The following FRMD6 variants were observed in gnomAD, a reference collection of about 807,000 sequenced individuals.
The protein encoded by FRMD6 is FERM domain containing 6.
In FRMD6, 37 loss-of-function variants were observed where a neutral mutation model predicts 73.2. The observed-to-expected ratio is 0.51, with a 90% CI of 0.39 to 0.66. The LOEUF (loss-of-function observed/expected upper bound fraction) is 0.66, where lower values mean the gene tolerates loss of function less well. FRMD6 is among the 30% of genes least tolerant of loss of function. The probability of loss-of-function intolerance (pLI) is 0.00; values close to 1 mark genes in which losing one functional copy is unlikely to be tolerated. For missense variants in FRMD6, 714 were observed against 780.5 expected (o/e 0.91, Z 1.02); for synonymous variants, 273 against 282.2 (o/e 0.97, Z 0.33).
chr14:51,526,729 T>C (rs149786255), intron 1 of FRMD6, among the ~76,000 whole-genome samples: 222 of 152,360 alleles, frequency 1.5e-3, no homozygotes, highest in African/African-American at 5.1e-3. Flanking sequence ...CATCAGATAC[T>C]GTCTCTGTTT....
At chr14:51,579,209 A>G (rs1243416688) in intron 2 of FRMD6, 1 of 152,064 alleles carries the variant, frequency 6.6e-6, no homozygotes, top group African/African-American at 2.4e-5. Flanking sequence ...CAACCACCCA[A>G]TTTCCCTCCC....
intron 2 of FRMD6, among the ~76,000 whole-genome samples, chr14:51,606,495 G>C (rs1445924573): frequency 6.6e-6 from 1 of 152,090 alleles, no homozygotes; most frequent in Non-Finnish European, 1.5e-5. Flanking sequence ...CATCACCTCT[G>C]TCCTAATGAT....
the FRMD6 span, among the ~76,000 whole-genome samples, chr14:51,456,696 C>A: frequency 6.6e-6 from 1 of 152,062 alleles, no homozygotes; most frequent in African/African-American, 2.4e-5. Context: ...GAGAGATCTC[C>A]ACTCCCGCAT....
chr14:51,588,853 A>T (rs12587891), intron 2 of FRMD6, among the ~76,000 whole-genome samples: 52,910 of 152,118 alleles, frequency 0.35, 10,304 homozygotes, highest in South Asian at 0.42. Context: ...TCAAAGTCTC[A>T]TGCCACATGA....
chr14:51,525,837 C>T (rs542955386), intron 1 of FRMD6, among the ~76,000 whole-genome samples: 3 of 152,210 alleles, frequency 2.0e-5, no homozygotes, highest in South Asian at 2.1e-4. Context: ...TCACATGAGT[C>T]ACTTGAGGGG....
Position 51,609,172 on chromosome 14 carries a change from G to A in FRMD6, c.-147+38762G>A, listed in dbSNP as rs1028391494. ...AGGACAGATTCTAACAACCTGGACA[G>A]GAAACCTAGTTATGAATATCCCAGT... On this transcript the variant is annotated intron_variant, in intron 2 of 14. Transcript: ENST00000356218. 1.1e-4 allele frequency among the ~76,000 whole-genome samples: 16 copies of A among 152,114 alleles called. No individual in the cohort carries two copies. In the East Asian group the frequency reaches 2.9e-3, roughly 27 times the overall value.
chr14:51,610,136 A>G (rs1594598613), intron 2 of FRMD6, among the ~76,000 whole-genome samples: 1 of 144,592 alleles, frequency 6.9e-6, no homozygotes, highest in Admixed American at 6.9e-5. Context: ...TGGCAGTCCT[A>G]GCTCTCTTGA....
chr14:51,671,366 C>T (rs1257644485), intron 1 of FRMD6, among the ~76,000 whole-genome samples: 1 of 152,094 alleles, frequency 6.6e-6, no homozygotes, highest in Non-Finnish European at 1.5e-5. Context: ...CCATCTGAGC[C>T]TAGAATTTTC....
At chr14:51,580,944 T>G (rs17663972) in intron 2 of FRMD6, among the ~76,000 whole-genome samples, 5,296 of 152,294 alleles carry the variant, frequency 0.035, 125 homozygotes, top group Non-Finnish European at 0.048. Context: ...GGCTTCTTTA[T>G]ATCCCTAAAT....
chr14:51,418,782 C>T, the FRMD6 span, among the ~76,000 whole-genome samples: 32,440 of 152,246 alleles, frequency 0.21, 3,891 homozygotes, highest in East Asian at 0.5. Flanking sequence ...CTGCTCCCAG[C>T]GGCAGAGACT....
At chr14:51,432,330 T>C in the FRMD6 span, among the ~76,000 whole-genome samples, 1 of 152,148 alleles carries the variant, frequency 6.6e-6, no homozygotes, top group Non-Finnish European at 1.5e-5. Context: ...ATTTACAAGA[T>C]TGATTTTTTT....
intron 1 of FRMD6, among the ~76,000 whole-genome samples, chr14:51,556,404 T>G: frequency 6.6e-6 from 1 of 152,228 alleles, no homozygotes; most frequent in African/African-American, 2.4e-5. Context: ...CCAGTTTACT[T>G]TGTAGAATTT....
At chr14:51,485,269 C>T (rs570205317), upstream of FRMD6, among the ~76,000 whole-genome samples, 2 of 152,330 alleles carry the variant, frequency 1.3e-5, no homozygotes, top group Admixed American at 1.3e-4. Context: ...CAAGTCAACT[C>T]TGCTGGTCAC....
intron 1 of FRMD6, among the ~76,000 whole-genome samples, chr14:51,526,227 A>G (rs1885250083): frequency 6.6e-6 from 1 of 152,172 alleles, no homozygotes; most frequent in Non-Finnish European, 1.5e-5. Context: ...GCATTCACTC[A>G]ATGATTTCCT....
chr14:51,444,977 T>C, the FRMD6 span, among the ~76,000 whole-genome samples: 1 of 152,200 alleles, frequency 6.6e-6, no homozygotes, highest in Admixed American at 6.5e-5. Context: ...AATACTATAA[T>C]GATCATTGAA....
At chr14:51,460,975 C>G in the FRMD6 span, among the ~76,000 whole-genome samples, 3 of 152,120 alleles carry the variant, frequency 2.0e-5, no homozygotes, top group Non-Finnish European at 4.4e-5. Context: ...AAAAACAAGT[C>G]CTTCCCTACA....
chr14:51,466,625 T>C, the FRMD6 span, among the ~76,000 whole-genome samples: 1 of 152,222 alleles, frequency 6.6e-6, no homozygotes, highest in Non-Finnish European at 1.5e-5. Context: ...TTTTTACCAG[T>C]ACAAAATTGT....
chr14:51,417,096 G>T, the FRMD6 span, among the ~76,000 whole-genome samples: 12 of 152,058 alleles, frequency 7.9e-5, no homozygotes, highest in Admixed American at 1.3e-4. Flanking sequence ...GATAGGTCTT[G>T]ACTGTACCCA....
At chr14:51,430,135 G>A in the FRMD6 span, among the ~76,000 whole-genome samples, 1 of 152,204 alleles carries the variant, frequency 6.6e-6, no homozygotes, top group Non-Finnish European at 1.5e-5. Flanking sequence ...GGCAAAAGAT[G>A]TTCAATGCCA....
Sources: allele counts gnomAD v4.1 joint callset (sites outside exome capture counted in the v4.1 genomes callset), GRCh38; gene constraint gnomAD v4.1.1; transcripts MANE v1.5; gene names NCBI Gene and HGNC (gene_info 2026-07-23, HGNC 2026-07-21).